PCDHA2: variants seen among roughly 807,000 people sequenced by gnomAD.
The protein encoded by PCDHA2 is protocadherin alpha-2.
PCDHA2 carries 58 observed loss-of-function variants against 66.0 expected under a neutral mutation model. The ratio of observed to expected loss-of-function variants is 0.88; its 90% CI spans 0.71 to 1.09. The LOEUF (loss-of-function observed/expected upper bound fraction) is 1.09. Among genes scored for constraint, PCDHA2 ranks in the 50% least tolerant of loss-of-function variants. The pLI, the probability that PCDHA2 is intolerant of heterozygous loss-of-function variation, is 0.00. For missense variants in PCDHA2, 1,267 were observed against 1,242.3 expected (o/e 1.02, Z -0.30); for synonymous variants, 634 against 554.0 (o/e 1.14, Z -2.03).
chr5:140,796,676 G>A lies in PCDHA2; in HGVS notation c.1712G>A (p.Gly571Asp). 6.2e-7 allele frequency: 1 copy of A among 1,613,912 alleles called. No individual in the cohort carries two copies. Among genetic ancestry groups the A allele is most frequent in the Non-Finnish European group, 8.5e-7 (1 of 1,179,886 alleles). The change falls in exon 1 of 4, where the codon GGC becomes GAC. Residue 571 changes from glycine to aspartate, a missense_variant. Coordinates refer to ENST00000526136, the MANE Select transcript of PCDHA2 (RefSeq NM_018905.3). ...CCGGCACTGTTGGCGCCTAGGGCTG[G>A]CACCGCTGCTGGCGCAGTGAGTGAG... ...NAPALLAPRA[G>D]TAAGAVSELV...
At chr5:140,998,300 G>C (rs1287043977) in intron 3 of PCDHA2, among the ~76,000 whole-genome samples, 1 of 152,194 alleles carries the variant, frequency 6.6e-6, no homozygotes, top group Non-Finnish European at 1.5e-5. Context: ...CACACATTTA[G>C]TAAGGGCACC....
intron 1 of PCDHA2, chr5:140,807,354 T>C (rs918123295): frequency 1.2e-6 from 2 of 1,610,696 alleles, no homozygotes; most frequent in African/African-American, 2.7e-5. Flanking sequence ...GGACTGGAGC[T>C]GGCGGAGCTG....
chr5:140,829,710 C>T (rs1554132175), intron 1 of PCDHA2: 2 of 1,613,312 alleles, frequency 1.2e-6, no homozygotes, highest in African/African-American at 2.7e-5. Context: ...GCGCGCGACG[C>T]GGGCGTGCCG....
At chr5:140,868,810 G>C (rs944762063) in intron 1 of PCDHA2, 6 of 369,934 alleles carry the variant, frequency 1.6e-5, no homozygotes, top group African/African-American at 1.2e-4. Flanking sequence ...AAGCACGTTG[G>C]AAATATTTGG....
At chr5:140,998,295 A>G (rs2097805023) in intron 3 of PCDHA2, among the ~76,000 whole-genome samples, 1 of 152,206 alleles carries the variant, frequency 6.6e-6, no homozygotes, top group Non-Finnish European at 1.5e-5. Context: ...CAGATCACAC[A>G]TTTAGTAAGG....
intron 1 of PCDHA2, among the ~76,000 whole-genome samples, chr5:140,962,051 T>G (rs1352018533): frequency 6.6e-6 from 1 of 151,838 alleles, no homozygotes; most frequent in East Asian, 1.9e-4. Context: ...GCCTGGCTAA[T>G]TTTTTTGTAT....
chr5:140,873,656 A>G (rs1364222797), intron 1 of PCDHA2, among the ~76,000 whole-genome samples: 2 of 152,120 alleles, frequency 1.3e-5, no homozygotes, highest in Non-Finnish European at 2.9e-5. Flanking sequence ...TACATAACAC[A>G]CTATTATTAT....
At chr5:140,841,566 G>A (rs2150318318) in intron 1 of PCDHA2, 14 of 1,613,814 alleles carry the variant, frequency 8.7e-6, no homozygotes, top group African/African-American at 4.0e-5. Context: ...CTGCAGAATG[G>A]CATTTTGTTT....
At chr5:140,978,594 G>C (rs184264823) in intron 1 of PCDHA2, among the ~76,000 whole-genome samples, 31 of 152,288 alleles carry the variant, frequency 2.0e-4, no homozygotes, top group African/African-American at 7.5e-4. Flanking sequence ...CCCTTAATGG[G>C]GCACTTGAGG....
intron 1 of PCDHA2, among the ~76,000 whole-genome samples, chr5:140,908,375 G>C (rs922545563): frequency 6.6e-6 from 1 of 152,174 alleles, no homozygotes; most frequent in Non-Finnish European, 1.5e-5. Context: ...TTCAGGACCT[G>C]CTCGAGCCCG....
At chr5:140,895,802 C>CTGTAT (rs1289601886) in intron 1 of PCDHA2, among the ~76,000 whole-genome samples, 86 of 152,166 alleles carry the variant, frequency 5.7e-4, no homozygotes, top group African/African-American at 1.6e-3. Context: ...ATGTACAATA[C>CTGTAT]TGTATTGTAT....
intron 1 of PCDHA2, chr5:140,813,289 T>A (rs1363505191): frequency 6.6e-6 from 1 of 152,220 alleles, no homozygotes; most frequent in Non-Finnish European, 1.5e-5. Flanking sequence ...ATTGTATCAT[T>A]CTGAGATTTC....
intron 1 of PCDHA2, chr5:140,823,603 C>A (rs2150127370): frequency 1.2e-6 from 2 of 1,614,048 alleles, no homozygotes; most frequent in South Asian, 2.2e-5. Context: ...TTCGTATGAG[C>A]TGCAGCCAGC....
chr5:140,982,566 A>C lies in PCDHA2; in HGVS notation c.2536+3A>C. 1.2e-6 allele frequency: 2 copies of C among 1,614,088 alleles called. No individual in the cohort carries two copies. Among genetic ancestry groups the C allele is most frequent in the Non-Finnish European group, 1.7e-6 (2 of 1,179,950 alleles). ...AACAGTATCCAGTGCAACACCAGGT[A>C]AAGAGCTGGGGTCTCTCCATTCTTT... is the stretch of plus-strand genomic sequence containing the variant. On this transcript the variant is annotated splice_donor_region_variant and intron_variant, in intron 3 of 3. Transcript: ENST00000526136.
chr5:140,958,799 C>T (rs889190378), intron 1 of PCDHA2, among the ~76,000 whole-genome samples: 3 of 152,104 alleles, frequency 2.0e-5, no homozygotes, highest in African/African-American at 7.2e-5. Context: ...AGTAAATTAT[C>T]ACACCATTCT....
chr5:140,826,838 C>CA (rs1486763325), intron 1 of PCDHA2, among the ~76,000 whole-genome samples: 1 of 152,062 alleles, frequency 6.6e-6, no homozygotes, highest in Non-Finnish European at 1.5e-5. Flanking sequence ...AGAAGTTTCT[C>CA]AAGTGTCTTG....
chr5:140,870,589 C>A (rs1445004841), intron 1 of PCDHA2: 30 of 1,613,510 alleles, frequency 1.9e-5, no homozygotes, highest in Non-Finnish European at 2.5e-5. Context: ...GCTGGTGGAG[C>A]GGCGGTTGGG....
At chr5:140,802,517 C>A (rs1762935362) in intron 1 of PCDHA2, 7 of 1,614,132 alleles carry the variant, frequency 4.3e-6, no homozygotes, top group South Asian at 2.2e-5. Context: ...CCACGGCCAG[C>A]GTGTCCGTGG....
In PCDHA2 at chr5:140,822,165, CA is replaced by C. The variant is rs1194001940; in HGVS notation, c.2388+24814del. ...TGAAGGACATCAATGACAATCCGCC[CA>C]GGTTCTCCAGACAAGAACAAAGATT... On this transcript the variant is annotated intron_variant, in intron 1 of 3. Coordinates refer to ENST00000526136, the MANE Select transcript of PCDHA2 (RefSeq NM_018905.3). The C allele has an allele frequency of 2.5e-6, 4 of 1,614,120 alleles. No individual in the cohort carries two copies. The African/African-American group carries it at 5.3e-5, about 22-fold the overall frequency.
Sources: gnomAD v4.1 joint callset for allele counts (sites outside exome capture counted in the v4.1 genomes callset) on GRCh38, gnomAD v4.1.1 for gene constraint, MANE v1.5 for transcripts, NCBI Gene and HGNC (gene_info 2026-07-23, HGNC 2026-07-21) for gene names.